Variants in RNF17 observed in about 807,000 individuals in gnomAD.
RNF17 encodes spermatogenesis associated 23.
A neutral mutation model predicts 200.5 loss-of-function variants in RNF17; 31 were observed. That is an observed-to-expected ratio of 0.15 (90% CI 0.12 to 0.21). The LOEUF is 0.21. Among genes scored for constraint, RNF17 ranks in the 10% least tolerant of loss-of-function variants. The pLI is 1.00. For missense variants in RNF17, 1,628 were observed against 1,905.1 expected (o/e 0.85, Z 2.71); for synonymous variants, 606 against 637.8 (o/e 0.95, Z 0.75).
At chr13:24,882,423 A>G (rs1953888649), downstream of RNF17, 1 of 152,044 alleles carries the variant, frequency 6.6e-6, no homozygotes, top group African/African-American at 2.4e-5. Context: ...ATTTACAAGT[A>G]AGTAAGTAAG....
At position 24,804,326 on chromosome 13, in the gene RNF17, A is replaced by T. The variant is rs541224596; in HGVS notation, c.1988A>T (p.Asn663Ile). The T allele has an allele frequency of 6.2e-7, 1 of 1,612,992 alleles. No homozygotes were observed. The highest frequency in any genetic ancestry group is 8.5e-7 in the Non-Finnish European group (1 of 1,179,050). ...SQSLRSHFEK[N>I]TTLHYHPPIL... ...TCACTAAGAAGTCACTTTGAAAAAAATACTACTTTACACTATCATCCACCT... is the reference window on the plus strand; with the variant it reads ...TCACTAAGAAGTCACTTTGAAAAAATTACTACTTTACACTATCATCCACCT... Residue 663 changes from asparagine to isoleucine, a missense_variant, in exon 15 of 36, where the codon AAT becomes ATT. This residue lies in a region of RNF17 where 289 missense variants were observed against 384.9 expected (regional missense o/e 0.75). Transcript: ENST00000255324.
rs760766871 is a variant in RNF17, at chr13:24,874,137, G to A, written c.4471G>A (p.Asp1491Asn). ...RTEMPCLAEY[D>N]DGLWYRAKIV... The stretch of plus-strand genomic sequence containing the variant: ...AGAAATGCCTTGCCTTGCAGAATAT[G>A]ATGATGGCTTATGGTATAGAGCGAA... Residue 1491 changes from aspartate (D) to asparagine (N), a missense_variant, in exon 33 of 36, where the codon GAT (aspartate) becomes AAT (asparagine). Transcript: ENST00000255324. 8.1e-6 allele frequency: 13 copies of A among 1,610,648 alleles called. No individual in the cohort carries two copies. The South Asian group carries it at 1.3e-4, about 17-fold the overall frequency.
intron 6 of RNF17, among the ~76,000 whole-genome samples, chr13:24,783,560 G>A (rs1163867474): frequency 6.6e-6 from 1 of 151,996 alleles, no homozygotes; most frequent in African/African-American, 2.4e-5. Flanking sequence ...ATTTCTTTCA[G>A]CAATTTCATA....
chr13:24,829,930 CTTGTT>C (rs1461541960), intron 16 of RNF17, among the ~76,000 whole-genome samples: 7 of 152,044 alleles, frequency 4.6e-5, no homozygotes, highest in African/African-American at 1.2e-4. Flanking sequence ...AATCTTTTGC[CTTGTT>C]TTATCACCTA....
Position 24,822,011 on chromosome 13 carries a change from A to T in RNF17, c.2092-3608A>T, listed in dbSNP as rs1888116929. On this transcript the variant is annotated intron_variant, in intron 15 of 35. Transcript: ENST00000255324. ...CTAGTGAGAGAAAGGGGCTTCTGAAAGGGAAAGACTGGCTGGAGGTGGATG... is the reference window on the plus strand; with the variant it reads ...CTAGTGAGAGAAAGGGGCTTCTGAATGGGAAAGACTGGCTGGAGGTGGATG... 2.6e-5 allele frequency among the ~76,000 whole-genome samples: 4 copies of T among 152,196 alleles called. No individual in the cohort carries two copies. In the South Asian group the frequency reaches 8.3e-4, roughly 32 times the overall value.
At chr13:24,789,634 T>G in intron 8 of RNF17, 64 bp from the exon 9 acceptor site, 1 of 1,088,942 alleles carries the variant, frequency 9.2e-7, no homozygotes, top group Non-Finnish European at 1.4e-6. Flanking sequence ...CAATTGATTT[T>G]TGTCTAGAGA....
intron 3 of RNF17, 97 bp from the exon 4 acceptor site, chr13:24,778,198 G>T (rs1382208210): frequency 4.0e-6 from 3 of 752,134 alleles, no homozygotes; most frequent in Non-Finnish European, 6.7e-6. Context: ...GGAAGTCGAG[G>T]CTGCCATGAG....
chr13:24,881,374 CAA>C (rs1953809462), downstream of RNF17, among the ~76,000 whole-genome samples: 2 of 152,020 alleles, frequency 1.3e-5, no homozygotes, highest in Admixed American at 1.3e-4. Flanking sequence ...CTCCTGACCT[CAA>C]GTGATCTGCC....
At chr13:24,783,328 G>A (rs1882682611) in intron 6 of RNF17, among the ~76,000 whole-genome samples, 1 of 152,162 alleles carries the variant, frequency 6.6e-6, no homozygotes, top group South Asian at 2.1e-4. Flanking sequence ...CAGAATGTGT[G>A]AGTCCTACAA....
chr13:24,870,518 GA>G, intron 31 of RNF17, 52 bp from the exon 32 acceptor site: 1 of 1,530,918 alleles, frequency 6.5e-7, no homozygotes, highest in Non-Finnish European at 9.0e-7. Context: ...CCACATACGT[GA>G]ATTCTTGACA....
chr13:24,750,911 C>T, the RNF17 span: 1 of 152,238 alleles, frequency 6.6e-6, no homozygotes, highest in Non-Finnish European at 1.5e-5. Context: ...CACTCGTCTA[C>T]ATAGTCTTGC....
Position 24,774,870 on chromosome 13 carries a change from G to C in RNF17, c.283G>C (p.Glu95Gln). 1 of 1,611,714 alleles carries C rather than the reference G, an allele frequency of 6.2e-7. No homozygotes were observed. The change falls in exon 3 of 36, where the codon GAA becomes CAA. Residue 95 changes from glutamate (E) to glutamine (Q), a missense_variant. By Grantham distance (29) the Glu-to-Gln change is conservative (BLOSUM62 2). Transcript: ENST00000255324. Reference sequence around the variant, plus strand: ...CTACCCAATGGCTGGATATATTAAGGAAGACTCCATAATGGAAAAACTGCA... The same window carrying C: ...CTACCCAATGGCTGGATATATTAAGCAAGACTCCATAATGGAAAAACTGCA... The part of the protein sequence containing the change: ...RYYPMAGYIK[E>Q]DSIMEKLQPK...
At chr13:24,824,130 C>T (rs943574891) in intron 15 of RNF17, 10 of 701,422 alleles carry the variant, frequency 1.4e-5, no homozygotes, top group Non-Finnish European at 2.6e-5. Context: ...ACTTTCCTAC[C>T]ATTTAGAAAA....
chr13:24,772,477 C>T (rs1339958019), intron 2 of RNF17, among the ~76,000 whole-genome samples: 1 of 132,028 alleles, frequency 7.6e-6, no homozygotes, highest in Non-Finnish European at 1.6e-5. Context: ...TAGCCAGGTG[C>T]GATTTTTTAA....
chr13:24,789,312 G>A, intron 7 of RNF17, 36 bp from the exon 8 acceptor site: 1 of 1,337,612 alleles, frequency 7.5e-7, no homozygotes, highest in African/African-American at 1.4e-5. Flanking sequence ...TTTGTGACAA[G>A]ATTCACACAT....
Position 24,879,871 on chromosome 13 carries a change from A to C in RNF17, c.*145A>C, listed in dbSNP as rs1210283520. ...TGCTTTACCTCTCATTTTTAATTGA[A>C]CTGTTAGGAATTGTGTGGGGAAAAA... On this transcript the variant is annotated 3_prime_UTR_variant, in exon 36 of 36. Transcript: ENST00000255324. 1 of 152,236 alleles carries C rather than the reference A, an allele frequency of 6.6e-6. No homozygotes were observed. Among genetic ancestry groups the C allele is most frequent in the Admixed American group, 6.5e-5 (1 of 15,276 alleles). 9.4% of individuals were successfully genotyped at this position (152,236 alleles called of 1,614,324 possible). A position where few individuals can be genotyped will look rare whatever the true frequency, so the allele number is the denominator to read the frequency against.
chr13:24,886,882 G>A, the RNF17 span, among the ~76,000 whole-genome samples: 1 of 152,176 alleles, frequency 6.6e-6, no homozygotes, highest in Non-Finnish European at 1.5e-5. Context: ...ATTCTTCCCA[G>A]GCTGATTATG....
chr13:24,854,255 T>A, intron 25 of RNF17, 111 bp downstream of exon 25: 1 of 790,352 alleles, frequency 1.3e-6, no homozygotes, highest in Non-Finnish European at 2.0e-6. Context: ...TTAGGAGGAT[T>A]AAATGATTTC....
chr13:24,879,283 TA>T lies in RNF17; in HGVS notation c.4872del (p.Ter1624=). Reference protein sequence around the residue: ...VEMGLADKDE* With the variant: ...VEMGLADKDEX ...AATGGGGCTTGCAGATAAAGATGAA[TA>T]AGTGCCTAAGTGTAAGTTCTCATTC... On this transcript the variant is annotated frameshift_variant and stop_lost, in exon 35 of 36. Transcript: ENST00000255324. LOFTEE classifies it high-confidence loss of function. The T allele has an allele frequency of 6.3e-7, 1 of 1,586,116 alleles. No homozygotes were observed. Among genetic ancestry groups the T allele is most frequent in the South Asian group, 1.1e-5 (1 of 90,466 alleles).
Sources: gnomAD v4.1 joint callset for allele counts (sites outside exome capture counted in the v4.1 genomes callset) on GRCh38, gnomAD v4.1.1 for gene constraint, gnomAD v4.1.1 regional missense constraint, MANE v1.5 for transcripts, NCBI Gene and HGNC (gene_info 2026-07-23, HGNC 2026-07-21) for gene names.